TSHZ2: variants seen among roughly 807,000 people sequenced by gnomAD.
TSHZ2 encodes the protein teashirt zinc finger homeobox 2, also known as teashirt homolog 2.
Under a neutral mutation model 74.4 loss-of-function variants are expected in TSHZ2, and 21 were observed. The ratio of observed to expected loss-of-function variants is 0.28; its 90% CI spans 0.20 to 0.41. TSHZ2 has a LOEUF of 0.41. Among genes scored for constraint, TSHZ2 ranks in the 10% least tolerant of loss-of-function variants. The pLI is 1.00. For missense variants in TSHZ2, 1,244 were observed against 1,293.5 expected (o/e 0.96, Z 0.59); for synonymous variants, 540 against 515.3 (o/e 1.05, Z -0.65).
At chr20:53,064,012 A>G (rs757368515) in intron 1 of TSHZ2, among the ~76,000 whole-genome samples, 1 of 152,188 alleles carries the variant, frequency 6.6e-6, no homozygotes, top group Non-Finnish European at 1.5e-5. Flanking sequence ...TACTATATCT[A>G]CATGGCAGGC....
chr20:53,095,850 T>G (rs1170910044), intron 1 of TSHZ2, among the ~76,000 whole-genome samples: 1 of 151,764 alleles, frequency 6.6e-6, no homozygotes, highest in Non-Finnish European at 1.5e-5. Context: ...CTGTTACAAG[T>G]GGAAAGTGGG....
At chr20:53,138,876 G>A (rs1371918741) in intron 1 of TSHZ2, among the ~76,000 whole-genome samples, 1 of 152,236 alleles carries the variant, frequency 6.6e-6, no homozygotes, top group Admixed American at 6.5e-5. Context: ...TGGGCATGGT[G>A]CACAGAGAAG....
chr20:53,240,322 A>T (rs1990035119), intron 1 of TSHZ2, among the ~76,000 whole-genome samples: 1 of 152,118 alleles, frequency 6.6e-6, no homozygotes, highest in African/African-American at 2.4e-5. Context: ...TAGACCTGGG[A>T]TGGGACCAAC....
At chr20:53,094,806 C>A (rs1229555137) in intron 1 of TSHZ2, among the ~76,000 whole-genome samples, 1 of 152,174 alleles carries the variant, frequency 6.6e-6, no homozygotes, top group Non-Finnish European at 1.5e-5. Flanking sequence ...ATGGATTTTT[C>A]TCATATTATG....
At chr20:53,215,868 C>CAAA (rs78963941) in intron 1 of TSHZ2, among the ~76,000 whole-genome samples, 2 of 83,848 alleles carry the variant, frequency 2.4e-5, no homozygotes, top group Admixed American at 1.3e-4. Context: ...AACTCCGTCT[C>CAAA]AAAAAAAAAA....
intron 1 of TSHZ2, among the ~76,000 whole-genome samples, chr20:53,098,971 T>C (rs17390234): frequency 0.067 from 10,204 of 152,294 alleles, 438 homozygotes; most frequent in Non-Finnish European, 0.1. Context: ...TTTCATATGG[T>C]TAAGTCTTAG....
chr20:53,268,884 CA>C (rs1990773136), intron 2 of TSHZ2, among the ~76,000 whole-genome samples: 1 of 152,206 alleles, frequency 6.6e-6, no homozygotes, highest in Non-Finnish European at 1.5e-5. Flanking sequence ...CACCTGGGTT[CA>C]AATCCCAGCA....
intron 1 of TSHZ2, among the ~76,000 whole-genome samples, chr20:53,033,011 G>C (rs1983692873): frequency 6.6e-6 from 1 of 152,158 alleles, no homozygotes; most frequent in Admixed American, 6.5e-5. Flanking sequence ...TGATATATAA[G>C]CTTTCAGATA....
At chr20:53,294,003 C>T (rs1452993289) in intron 2 of TSHZ2, among the ~76,000 whole-genome samples, 3 of 152,072 alleles carry the variant, frequency 2.0e-5, no homozygotes, top group Non-Finnish European at 4.4e-5. Flanking sequence ...GGCGACAGAG[C>T]GAGACTCCAT....
chr20:53,347,653 T>G (rs1980491302), intron 2 of TSHZ2, among the ~76,000 whole-genome samples: 1 of 151,020 alleles, frequency 6.6e-6, no homozygotes, highest in African/African-American at 2.5e-5. Context: ...TTTCCAACTT[T>G]TACTTTAAGT....
At chr20:53,087,822 A>G (rs570587616) in intron 1 of TSHZ2, among the ~76,000 whole-genome samples, 1 of 152,326 alleles carries the variant, frequency 6.6e-6, no homozygotes, top group African/African-American at 2.4e-5. Flanking sequence ...AAATCCAAGG[A>G]CAGGTAAATT....
chr20:53,210,944 T>C (rs1018193682), intron 1 of TSHZ2, among the ~76,000 whole-genome samples: 2 of 152,060 alleles, frequency 1.3e-5, no homozygotes, highest in Admixed American at 1.3e-4. Context: ...TTGGAGTTTC[T>C]AAAGAAATAT....
At chr20:53,312,508 G>C (rs1021962569) in intron 2 of TSHZ2, among the ~76,000 whole-genome samples, 7 of 152,180 alleles carry the variant, frequency 4.6e-5, no homozygotes, top group African/African-American at 1.7e-4. Flanking sequence ...GAGCCAGGCA[G>C]GTAATGTATA....
chr20:53,002,109 A>T (rs1319248446), intron 1 of TSHZ2, among the ~76,000 whole-genome samples: 1 of 152,212 alleles, frequency 6.6e-6, no homozygotes, highest in Non-Finnish European at 1.5e-5. Context: ...AACTTATTGG[A>T]CACTTACTCT....
At chr20:53,146,470 G>A (rs1987543189) in intron 1 of TSHZ2, among the ~76,000 whole-genome samples, 1 of 152,206 alleles carries the variant, frequency 6.6e-6, no homozygotes. Context: ...AGAGATGAAG[G>A]AGGCCTTTGA....
chr20:52,975,424 G>C (rs975969405), intron 1 of TSHZ2, among the ~76,000 whole-genome samples: 8 of 152,042 alleles, frequency 5.3e-5, no homozygotes, highest in Non-Finnish European at 1.0e-4. Context: ...CCAGGTGTAC[G>C]TAACATAACA....
chr20:53,012,421 C>A (rs1982883396), intron 1 of TSHZ2, among the ~76,000 whole-genome samples: 1 of 152,140 alleles, frequency 6.6e-6, no homozygotes, highest in African/African-American at 2.4e-5. Flanking sequence ...GTTAGGAATG[C>A]ACAATCTCAG....
At chr20:53,123,666 T>C (rs1379453481) in intron 1 of TSHZ2, among the ~76,000 whole-genome samples, 1 of 150,576 alleles carries the variant, frequency 6.6e-6, no homozygotes, top group Non-Finnish European at 1.5e-5. Context: ...ACAGTCAGAG[T>C]AGGAAGATAC....
At chr20:53,412,324 C>T (rs1230179958) in intron 2 of TSHZ2, among the ~76,000 whole-genome samples, 1 of 152,248 alleles carries the variant, frequency 6.6e-6, no homozygotes, top group East Asian at 1.9e-4. Flanking sequence ...AGAAAGGTCC[C>T]AGCCCTGGAG....
Sources: allele counts gnomAD v4.1 joint callset (sites outside exome capture counted in the v4.1 genomes callset), GRCh38; gene constraint gnomAD v4.1.1; transcripts MANE v1.5; gene names NCBI Gene and HGNC (gene_info 2026-07-23, HGNC 2026-07-21).